The following SLC38A12 variants were observed in gnomAD, a reference collection of about 807,000 sequenced individuals.
SLC38A12 encodes the protein solute carrier family 38 member 12.
the SLC38A12 span, chr17:74,777,220 G>A: frequency 7.8e-7 from 1 of 1,278,468 alleles, no homozygotes; most frequent in Non-Finnish European, 1.1e-6. Flanking sequence ...TCCCACCCCT[G>A]TCTCAGTCCA....
the SLC38A12 span, chr17:74,838,827 C>T: frequency 6.6e-7 from 1 of 1,524,412 alleles, no homozygotes; most frequent in South Asian, 1.2e-5. Flanking sequence ...GCACGTTTCA[C>T]TGCAGCCATC....
the SLC38A12 span, chr17:74,839,185 T>C: frequency 6.7e-7 from 1 of 1,490,950 alleles, no homozygotes; most frequent in Non-Finnish European, 8.9e-7. Context: ...ATGGGGCGGA[T>C]GGCAGGTGAT....
the SLC38A12 span, among the ~76,000 whole-genome samples, chr17:74,780,433 G>A: frequency 2.0e-5 from 3 of 152,328 alleles, no homozygotes; most frequent in Non-Finnish European, 4.4e-5. Flanking sequence ...GTGAGAATTG[G>A]AGATAACTCA....
the SLC38A12 span, among the ~76,000 whole-genome samples, chr17:74,833,551 C>T: frequency 6.6e-6 from 1 of 152,226 alleles, no homozygotes; most frequent in African/African-American, 2.4e-5. Context: ...AGCTGCCTTT[C>T]TTTGGAGATG....
chr17:74,834,188 C>T, the SLC38A12 span, among the ~76,000 whole-genome samples: 2 of 152,116 alleles, frequency 1.3e-5, no homozygotes, highest in Admixed American at 6.5e-5. Context: ...CACAGGTGTC[C>T]TGTGCCATCC....
chr17:74,786,343 GGA>G, the SLC38A12 span, among the ~76,000 whole-genome samples: 1 of 65,826 alleles, frequency 1.5e-5, no homozygotes, highest in Non-Finnish European at 5.4e-5. Flanking sequence ...GAGATGGGAA[GGA>G]GCACCTGGAA....
the SLC38A12 span, chr17:74,785,559 G>C: frequency 2.5e-6 from 4 of 1,614,064 alleles, no homozygotes; most frequent in Non-Finnish European, 3.4e-6. Context: ...CCACTGCCGG[G>C]TGGCTTGTCA....
the SLC38A12 span, among the ~76,000 whole-genome samples, chr17:74,801,030 C>T: frequency 4.1e-4 from 63 of 152,256 alleles, no homozygotes; most frequent in African/African-American, 1.4e-3. Flanking sequence ...CAAACCAAGA[C>T]GAGTCAGGAG....
chr17:74,837,332 G>A, the SLC38A12 span: 1 of 985,530 alleles, frequency 1.0e-6, no homozygotes, highest in South Asian at 4.7e-5. Context: ...CCTCGCTGTG[G>A]GCGCGAGCTC....
chr17:74,804,771 G>A, the SLC38A12 span, among the ~76,000 whole-genome samples: 1 of 152,240 alleles, frequency 6.6e-6, no homozygotes, highest in African/African-American at 2.4e-5. Flanking sequence ...GACTGGTATT[G>A]GGTGTTGGGC....
chr17:74,808,002 G>A, the SLC38A12 span, among the ~76,000 whole-genome samples: 1 of 152,270 alleles, frequency 6.6e-6, no homozygotes, highest in Admixed American at 6.5e-5. Flanking sequence ...TTAGGCAAAT[G>A]ACTGTGTGGG....
chr17:74,794,482 A>G, the SLC38A12 span, among the ~76,000 whole-genome samples: 5 of 152,234 alleles, frequency 3.3e-5, no homozygotes, highest in African/African-American at 1.2e-4. Context: ...CAGATTCAGA[A>G]TGAGACAGTT....
the SLC38A12 span, among the ~76,000 whole-genome samples, chr17:74,779,375 G>A: frequency 1.8e-3 from 271 of 152,216 alleles, no homozygotes; most frequent in African/African-American, 6.3e-3. Flanking sequence ...CCAGCTCTGG[G>A]CATTGGCCAT....
chr17:74,804,327 A>G, the SLC38A12 span, among the ~76,000 whole-genome samples: 8 of 152,280 alleles, frequency 5.3e-5, no homozygotes. Context: ...CTGGCCCTGC[A>G]CACTGGCTCA....
the SLC38A12 span, among the ~76,000 whole-genome samples, chr17:74,812,713 C>T: frequency 6.6e-6 from 1 of 152,308 alleles, no homozygotes; most frequent in East Asian, 1.9e-4. Flanking sequence ...GCTCCGTGGT[C>T]AGCTCCCACA....
At chr17:74,777,372 C>T in the SLC38A12 span, 1 of 1,614,220 alleles carries the variant, frequency 6.2e-7, no homozygotes, top group Non-Finnish European at 8.5e-7. Flanking sequence ...TCTACTCTTC[C>T]TACGTGAGTG....
the SLC38A12 span, among the ~76,000 whole-genome samples, chr17:74,808,670 T>C: frequency 1.5e-3 from 227 of 152,284 alleles, 2 homozygotes; most frequent in African/African-American, 5.1e-3. Context: ...GGGGCTGAGC[T>C]CTTGCCACCA....
the SLC38A12 span, among the ~76,000 whole-genome samples, chr17:74,787,264 A>C: frequency 6.6e-6 from 1 of 151,934 alleles, no homozygotes; most frequent in Admixed American, 6.5e-5. Context: ...CAGCCCCCCA[A>C]CCCTTGTCAA....
the SLC38A12 span, among the ~76,000 whole-genome samples, chr17:74,790,659 G>A: frequency 6.6e-6 from 1 of 151,410 alleles, no homozygotes; most frequent in African/African-American, 2.4e-5. Context: ...CTCCTGCCTT[G>A]TGCCCTCATG....
Sources: gnomAD v4.1 joint callset for allele counts (sites outside exome capture counted in the v4.1 genomes callset) on GRCh38, gnomAD v4.1.1 for gene constraint, MANE v1.5 for transcripts, NCBI Gene and HGNC (gene_info 2026-07-23, HGNC 2026-07-21) for gene names.